The following DDX60L variants were observed in gnomAD, a reference collection of about 807,000 sequenced individuals.
The protein encoded by DDX60L is probable ATP-dependent RNA helicase DDX60-like.
In DDX60L, 191 loss-of-function variants were observed where a neutral mutation model predicts 211.6. That is an observed-to-expected ratio of 0.90 (90% CI 0.80 to 1.02). DDX60L has a LOEUF of 1.02. Ranked by LOEUF, DDX60L falls within the 50% of genes least tolerant of loss-of-function variation. The pLI is 0.00. For missense variants in DDX60L, 2,007 were observed against 1,984.1 expected, an observed-to-expected ratio of 1.01 and a Z score of -0.22; for synonymous variants, 706 against 694.1, an observed-to-expected ratio of 1.02 and a Z score of -0.27.
chr4:168,442,045 T>C (rs1251260516), intron 9 of DDX60L, among the ~76,000 whole-genome samples: 2 of 151,952 alleles, frequency 1.3e-5, no homozygotes, highest in Admixed American at 1.3e-4. Flanking sequence ...GCTCCCAGCG[T>C]GAGCAACGCA....
At chr4:168,471,096 C>A (rs1357461703) in intron 4 of DDX60L, among the ~76,000 whole-genome samples, 2 of 152,138 alleles carry the variant, frequency 1.3e-5, no homozygotes, top group African/African-American at 2.4e-5. Context: ...CATTTAAGAT[C>A]TGTGCATTTT....
At chr4:168,477,046 G>C (rs1015838121) in intron 1 of DDX60L, among the ~76,000 whole-genome samples, 1 of 152,198 alleles carries the variant, frequency 6.6e-6, no homozygotes, top group Admixed American at 6.5e-5. Context: ...TTTCTATTGT[G>C]TAATGCCACT....
Position 168,450,271 on chromosome 4 carries a change from A to G in DDX60L, c.997-1492T>C, listed in dbSNP as rs372751438. 2.4e-4 allele frequency among the ~76,000 whole-genome samples: 37 copies of G among 152,264 alleles called. 2 individuals carry two copies. The East Asian group carries it at 6.6e-3, about 27-fold the overall frequency. On this transcript the variant is annotated intron_variant, in intron 8 of 37. Transcript: ENST00000682922. ...ATCAGCCAGCTCTATAAACTGGCTC[A>G]TCTGATCTTGTGGTCCCCATCCAGG... is the stretch of plus-strand genomic sequence containing the variant.
At chr4:168,436,492 C>G (rs1281296652) in intron 10 of DDX60L, among the ~76,000 whole-genome samples, 1 of 152,182 alleles carries the variant, frequency 6.6e-6, no homozygotes, top group Non-Finnish European at 1.5e-5. Flanking sequence ...CATCCTGAAG[C>G]AGTTGCCTCA....
At chr4:168,375,320 TTAAC>T in intron 34 of DDX60L, 53 bp downstream of exon 34, 4 of 1,555,944 alleles carry the variant, frequency 2.6e-6, no homozygotes, top group Non-Finnish European at 3.5e-6. Context: ...AGAGGCTTTC[TTAAC>T]CAAGATTGTT....
intron 14 of DDX60L, among the ~76,000 whole-genome samples, chr4:168,426,451 A>C (rs1751460362): frequency 6.6e-6 from 1 of 152,144 alleles, no homozygotes; most frequent in African/African-American, 2.4e-5. Flanking sequence ...CACTTAGAAA[A>C]CCGAAATATT....
chr4:168,364,860 C>A (rs945062365), intron 36 of DDX60L, among the ~76,000 whole-genome samples: 1 of 151,834 alleles, frequency 6.6e-6, no homozygotes, highest in African/African-American at 2.4e-5. Context: ...AACTAGAAAT[C>A]AGCAACAAGA....
chr4:168,361,456 A>T lies in DDX60L; in HGVS notation c.4929-245T>A, dbSNP rs371834413. Reference sequence around the variant, plus strand: ...AGGGTGAAATATAAAAGTAAAGCATAGAAGGGTCAATGAGGACTACAGATT... The same window carrying T: ...AGGGTGAAATATAAAAGTAAAGCATTGAAGGGTCAATGAGGACTACAGATT... On this transcript the variant is annotated intron_variant, in intron 36 of 37. Coordinates refer to ENST00000682922, the MANE Select transcript of DDX60L (RefSeq NM_001012967.3). The T allele has an allele frequency of 2.7e-3, 926 of 340,444 alleles. 7 individuals carry two copies. The highest frequency in any genetic ancestry group is 4.4e-3 in the Non-Finnish European group (811 of 186,250). The allele number at this position is 340,444 out of a possible 1,614,324, so 21.1% of individuals were successfully genotyped here. A position where few individuals can be genotyped will look rare whatever the true frequency, so the allele number is the denominator to read the frequency against.
intron 29 of DDX60L, chr4:168,390,079 C>G: frequency 1.0e-6 from 1 of 967,422 alleles, no homozygotes. Flanking sequence ...ACCTGACCCT[C>G]GAGAAACAAA....
At chr4:168,430,177 C>A (rs1184664841) in intron 13 of DDX60L, among the ~76,000 whole-genome samples, 1 of 151,966 alleles carries the variant, frequency 6.6e-6, no homozygotes, top group African/African-American at 2.4e-5. Context: ...TCAGCCTGGG[C>A]AACAAGAGCG....
chr4:168,392,049 T>C (rs929093686), intron 28 of DDX60L, among the ~76,000 whole-genome samples: 5 of 152,156 alleles, frequency 3.3e-5, no homozygotes, highest in African/African-American at 1.2e-4. Flanking sequence ...TGGAAGAGTA[T>C]TGGACACACA....
At chr4:168,449,299 G>A (rs1755305445) in intron 8 of DDX60L, among the ~76,000 whole-genome samples, 1 of 151,494 alleles carries the variant, frequency 6.6e-6, no homozygotes, top group South Asian at 2.1e-4. Flanking sequence ...AAAATGATGA[G>A]TTCATGTCCT....
chr4:168,447,883 T>TG (rs1561093847), intron 9 of DDX60L, among the ~76,000 whole-genome samples: 1 of 60,408 alleles, frequency 1.7e-5, no homozygotes, highest in African/African-American at 6.9e-5. Flanking sequence ...TGTTGTGGGG[T>TG]GGGGGGAGGG....
chr4:168,409,003 A>G (rs1386661996), intron 22 of DDX60L, among the ~76,000 whole-genome samples: 1 of 152,130 alleles, frequency 6.6e-6, no homozygotes, highest in Non-Finnish European at 1.5e-5. Flanking sequence ...TGAATGAACA[A>G]TTTCAGTGTA....
At chr4:168,392,116 T>A (rs1489606219) in intron 28 of DDX60L, among the ~76,000 whole-genome samples, 3 of 152,210 alleles carry the variant, frequency 2.0e-5, no homozygotes, top group African/African-American at 7.2e-5. Flanking sequence ...ACAACAAGCA[T>A]ACAAATTTTC....
At chr4:168,440,702 G>A (rs1256794534) in intron 10 of DDX60L, among the ~76,000 whole-genome samples, 1 of 152,074 alleles carries the variant, frequency 6.6e-6, no homozygotes, top group East Asian at 1.9e-4. Flanking sequence ...GACTGGGTTG[G>A]TCTGTTAATC....
intron 9 of DDX60L, among the ~76,000 whole-genome samples, chr4:168,441,712 T>C (rs550409165): frequency 6.6e-6 from 1 of 152,214 alleles, no homozygotes; most frequent in South Asian, 2.1e-4. Flanking sequence ...AGCCAGGTAC[T>C]GTGACATGGG....
Position 168,461,887 on chromosome 4 carries a change from G to A in DDX60L, c.418C>T (p.Pro140Ser). 6.2e-7 allele frequency: 1 copy of A among 1,611,622 alleles called. No homozygotes were observed. The highest frequency in any genetic ancestry group is 1.3e-5 in the African/African-American group (1 of 75,008). Residue 140 changes from proline (P) to serine (S), a missense_variant, in exon 5 of 38, where the codon CCG (proline) becomes TCG (serine). Pro to Ser is a moderately conservative substitution (Grantham distance 74, BLOSUM62 -1). Transcript: ENST00000682922. ...DWKLFLEQHY[P>S]YFLIVSEEGL... ...TCCTCTGAAACTATCAGAAAATACG[G>A]GTAATGCTGTTCCAAGAATAACTTC...
At chr4:168,450,598 A>C (rs1298224378) in intron 8 of DDX60L, among the ~76,000 whole-genome samples, 1 of 151,956 alleles carries the variant, frequency 6.6e-6, no homozygotes, top group African/African-American at 2.4e-5. Context: ...GTACCCCATC[A>C]CTCTACCAAA....
Sources: allele counts gnomAD v4.1 joint callset (sites outside exome capture counted in the v4.1 genomes callset), GRCh38; gene constraint gnomAD v4.1.1; transcripts MANE v1.5; gene names NCBI Gene and HGNC (gene_info 2026-07-23, HGNC 2026-07-21).